The following L3MBTL4 variants were observed in gnomAD, a reference collection of about 807,000 sequenced individuals.
L3MBTL4 encodes lethal(3)malignant brain tumor-like protein 4.
L3MBTL4 carries 70 observed loss-of-function variants against 84.5 expected under a neutral mutation model. The observed-to-expected ratio is 0.83, with a 90% CI of 0.68 to 1.01. L3MBTL4 has a LOEUF of 1.01. L3MBTL4 is among the 50% of genes least tolerant of loss of function. The probability of loss-of-function intolerance (pLI) is 0.00; values close to 1 mark genes in which losing one functional copy is unlikely to be tolerated. For synonymous variants in L3MBTL4, 274 were observed against 259.8 expected, an observed-to-expected ratio of 1.05 and a Z score of -0.52; for missense variants, 715 against 754.8, an observed-to-expected ratio of 0.95 and a Z score of 0.62.
intron 4 of L3MBTL4, among the ~76,000 whole-genome samples, chr18:6,286,300 C>T (rs964365074): frequency 6.6e-6 from 1 of 151,636 alleles, no homozygotes; most frequent in Non-Finnish European, 1.5e-5. Context: ...CCCATCTCTA[C>T]TAAAAATACA....
chr18:6,325,380 T>C (rs1017888505), intron 1 of L3MBTL4, among the ~76,000 whole-genome samples: 3 of 152,220 alleles, frequency 2.0e-5, no homozygotes, highest in Admixed American at 1.3e-4. Context: ...AGATGGTATC[T>C]TGCTATGTTG....
At chr18:6,188,464 A>G (rs990645462) in intron 12 of L3MBTL4, among the ~76,000 whole-genome samples, 2 of 152,194 alleles carry the variant, frequency 1.3e-5, no homozygotes, top group Admixed American at 6.5e-5. Context: ...CTAAAAATAT[A>G]TAAAACCATA....
chr18:5,994,160 G>A (rs986566338), intron 16 of L3MBTL4, among the ~76,000 whole-genome samples: 10 of 152,122 alleles, frequency 6.6e-5, no homozygotes, highest in South Asian at 6.2e-4. Flanking sequence ...GCCCTCCTCC[G>A]GAAAGCCTAG....
At chr18:6,032,373 CATGAAATATGTT>C in intron 16 of L3MBTL4, 5 of 729,872 alleles carry the variant, frequency 6.9e-6, no homozygotes, top group Non-Finnish European at 5.0e-6. Flanking sequence ...TCTGCGTTTT[CATGAAATATGTT>C]ACACACACAC....
intron 12 of L3MBTL4, among the ~76,000 whole-genome samples, chr18:6,185,438 G>A (rs2044678980): frequency 6.6e-6 from 1 of 152,152 alleles, no homozygotes; most frequent in Non-Finnish European, 1.5e-5. Flanking sequence ...CAGGAGGAGA[G>A]GGAGGCTGGG....
intron 16 of L3MBTL4, among the ~76,000 whole-genome samples, chr18:6,077,897 C>T (rs1166622479): frequency 4.0e-5 from 6 of 151,794 alleles, no homozygotes; most frequent in East Asian, 3.9e-4. Flanking sequence ...GGCATGGTGG[C>T]GTGCACCTGT....
At chr18:5,997,602 G>A (rs1369505361) in intron 16 of L3MBTL4, among the ~76,000 whole-genome samples, 2 of 152,128 alleles carry the variant, frequency 1.3e-5, no homozygotes, top group Non-Finnish European at 2.9e-5. Context: ...CTAGCTGGAA[G>A]CCCCCTCCCC....
At position 6,160,108 on chromosome 18, in the gene L3MBTL4, C is replaced by T. The variant is rs186710475; in HGVS notation, c.1096+11720G>A. Among the ~76,000 whole-genome samples, 359 of 152,306 alleles carry T rather than the reference C, an allele frequency of 2.4e-3. 1 individual carries two copies. The highest frequency in any genetic ancestry group is 3.5e-3 in the Non-Finnish European group (238 of 68,036). ...CTGCTGGTGGACTGGCACATTCCAT[C>T]CTGGAGCCTTCACCAAGTGTTTCCG... On this transcript the variant is annotated intron_variant, in intron 13 of 18. Coordinates refer to ENST00000317931, the MANE Select transcript of L3MBTL4 (RefSeq NM_001330559.2).
intron 16 of L3MBTL4, among the ~76,000 whole-genome samples, chr18:5,976,757 G>A (rs1032511066): frequency 6.6e-6 from 1 of 152,178 alleles, no homozygotes; most frequent in African/African-American, 2.4e-5. Context: ...ATGAACGCAC[G>A]CAGGCCAGAA....
chr18:6,091,804 T>G (rs2058467488), intron 15 of L3MBTL4, among the ~76,000 whole-genome samples: 1 of 152,186 alleles, frequency 6.6e-6, no homozygotes, highest in East Asian at 1.9e-4. Flanking sequence ...TATTTACAAG[T>G]GAAACTGACT....
chr18:6,299,551 A>G (rs1392273766), intron 4 of L3MBTL4, among the ~76,000 whole-genome samples: 1 of 152,228 alleles, frequency 6.6e-6, no homozygotes, highest in African/African-American at 2.4e-5. Context: ...CAGCTGTAAC[A>G]CGGGCTTCAG....
At chr18:6,274,536 TA>T (rs1345604928) in intron 4 of L3MBTL4, among the ~76,000 whole-genome samples, 1 of 152,220 alleles carries the variant, frequency 6.6e-6, no homozygotes, top group Non-Finnish European at 1.5e-5. Context: ...AGCATCTGAT[TA>T]AACACCATGC....
intron 10 of L3MBTL4, among the ~76,000 whole-genome samples, chr18:6,234,472 A>T (rs1407526618): frequency 6.6e-6 from 1 of 152,230 alleles, no homozygotes; most frequent in East Asian, 1.9e-4. Context: ...ATTTACAAGA[A>T]AAAAACAAAC....
At chr18:6,000,083 AG>A (rs2054147837) in intron 16 of L3MBTL4, among the ~76,000 whole-genome samples, 1 of 152,168 alleles carries the variant, frequency 6.6e-6, no homozygotes, top group Admixed American at 6.5e-5. Context: ...TTAAGTAATG[AG>A]TGAGCTCAGA....
intron 4 of L3MBTL4, among the ~76,000 whole-genome samples, chr18:6,284,217 C>A (rs2049453805): frequency 6.6e-6 from 1 of 152,174 alleles, no homozygotes; most frequent in African/African-American, 2.4e-5. Context: ...TTAGTCTATT[C>A]TACAAAGTGA....
At chr18:6,077,486 T>C (rs2057895852) in intron 16 of L3MBTL4, among the ~76,000 whole-genome samples, 1 of 152,202 alleles carries the variant, frequency 6.6e-6, no homozygotes, top group Non-Finnish European at 1.5e-5. Flanking sequence ...AGAATTACAC[T>C]TGAAAATGAT....
intron 10 of L3MBTL4, among the ~76,000 whole-genome samples, chr18:6,228,230 A>T (rs1303647259): frequency 6.6e-6 from 1 of 152,144 alleles, no homozygotes; most frequent in African/African-American, 2.4e-5. Context: ...TCCAAACAAA[A>T]ATCAAACCTT....
chr18:6,076,242 T>A (rs1371850314), intron 16 of L3MBTL4, among the ~76,000 whole-genome samples: 1 of 152,222 alleles, frequency 6.6e-6, no homozygotes, highest in East Asian at 1.9e-4. Context: ...TAAAAATGGA[T>A]AAATTGTGGT....
At chr18:6,377,921 T>C (rs973371236) in intron 1 of L3MBTL4, among the ~76,000 whole-genome samples, 7 of 152,236 alleles carry the variant, frequency 4.6e-5, no homozygotes, top group African/African-American at 1.4e-4. Flanking sequence ...GTTGAACTAA[T>C]TTACAATCCC....
Sources: allele counts gnomAD v4.1 joint callset (sites outside exome capture counted in the v4.1 genomes callset), GRCh38; gene constraint gnomAD v4.1.1; transcripts MANE v1.5; gene names NCBI Gene and HGNC (gene_info 2026-07-23, HGNC 2026-07-21).